Variants in GLRA3 observed in about 807,000 individuals in gnomAD.
The protein encoded by GLRA3 is glycine receptor alpha 3.
In GLRA3, 44 loss-of-function variants were observed where a neutral mutation model predicts 60.4. The observed-to-expected ratio is 0.73, with a 90% CI of 0.57 to 0.94. GLRA3 has a LOEUF of 0.94. GLRA3 is among the 40% of genes least tolerant of loss of function. The pLI is 0.00. For missense variants in GLRA3, 508 were observed against 564.6 expected (o/e 0.90, Z 1.02); for synonymous variants, 223 against 192.9 (o/e 1.16, Z -1.29).
intron 1 of GLRA3, among the ~76,000 whole-genome samples, chr4:174,812,282 C>G (rs946720765): frequency 6.6e-6 from 1 of 152,062 alleles, no homozygotes; most frequent in Non-Finnish European, 1.5e-5. Context: ...AGTCTCCAGA[C>G]TTAAAAACAG....
chr4:174,712,106 A>T (rs962768302), intron 5 of GLRA3, among the ~76,000 whole-genome samples: 7 of 151,902 alleles, frequency 4.6e-5, no homozygotes, highest in Admixed American at 1.3e-4. Flanking sequence ...TTCCCCAATA[A>T]TTTCTTTTCC....
At chr4:174,672,175 G>A (rs568400154) in intron 7 of GLRA3, among the ~76,000 whole-genome samples, 13 of 152,186 alleles carry the variant, frequency 8.5e-5, no homozygotes, top group African/African-American at 3.1e-4. Context: ...TTTAGTAGCT[G>A]TTTTCAATGA....
At chr4:174,772,470 T>C (rs757527128) in intron 2 of GLRA3, among the ~76,000 whole-genome samples, 1 of 152,000 alleles carries the variant, frequency 6.6e-6, no homozygotes, top group Non-Finnish European at 1.5e-5. Context: ...TATTTACTTG[T>C]GTATATATTT....
chr4:174,651,350 T>C (rs192073935), intron 9 of GLRA3, among the ~76,000 whole-genome samples: 37 of 152,308 alleles, frequency 2.4e-4, no homozygotes, highest in African/African-American at 8.4e-4. Context: ...CTTAACTTTA[T>C]GATTATTGGT....
intron 5 of GLRA3, among the ~76,000 whole-genome samples, chr4:174,692,936 T>TA (rs1205090433): frequency 2.3e-4 from 30 of 131,714 alleles, no homozygotes; most frequent in East Asian, 7.2e-4. Flanking sequence ...AAATGATCAA[T>TA]AAAAAAAAAA....
Position 174,643,836 on chromosome 4 carries a change from C to A in GLRA3, c.1345G>T (p.Val449Phe), listed in dbSNP as rs144082170. The part of the protein sequence containing the change: ...AFLIFNIFYW[V>F]IYKILRHEDI... ...TCATGCCTAAGAATTTTATAGATAA[C>A]CCAGTAGAAAATATTAAAAATCAAA... is the stretch of plus-strand genomic sequence containing the variant. The change falls in exon 10 of 10, where the codon GTT becomes TTT. Residue 449 changes from valine to phenylalanine, a missense_variant. Around this residue, in one of 3 missense-constraint regions of GLRA3, gnomAD observed 176 missense variants for 197.9 expected, o/e 0.89. Transcript: ENST00000274093. The A allele has an allele frequency of 5.0e-6, 8 of 1,613,480 alleles. No individual in the cohort carries two copies. Among genetic ancestry groups the A allele is most frequent in the South Asian group, 3.3e-5 (3 of 91,062 alleles).
chr4:174,725,085 G>GT (rs1369065312), intron 4 of GLRA3, among the ~76,000 whole-genome samples: 2 of 151,976 alleles, frequency 1.3e-5, no homozygotes, highest in African/African-American at 2.4e-5. Flanking sequence ...GTTTTCTCTA[G>GT]TTTTTTTTAG....
chr4:174,771,113 A>G (rs567478598), intron 2 of GLRA3, among the ~76,000 whole-genome samples: 2 of 151,422 alleles, frequency 1.3e-5, no homozygotes, highest in African/African-American at 4.8e-5. Flanking sequence ...GGATAGCATT[A>G]GGAGATATAC....
intron 1 of GLRA3, among the ~76,000 whole-genome samples, chr4:174,816,518 T>A (rs1270576893): frequency 6.6e-6 from 1 of 152,232 alleles, no homozygotes; most frequent in African/African-American, 2.4e-5. Flanking sequence ...CCTTTTCTTG[T>A]ATATTCTATT....
chr4:174,665,009 A>T (rs1733602247), intron 7 of GLRA3, among the ~76,000 whole-genome samples: 1 of 152,178 alleles, frequency 6.6e-6, no homozygotes, highest in African/African-American at 2.4e-5. Context: ...ATAATTTAAA[A>T]GAAGTGTTGT....
intron 1 of GLRA3, among the ~76,000 whole-genome samples, chr4:174,804,573 G>A (rs17365700): frequency 0.086 from 13,066 of 152,074 alleles, 631 homozygotes; most frequent in South Asian, 0.11. Flanking sequence ...TGAAGGAGAA[G>A]AATGTCCTCA....
intron 2 of GLRA3, among the ~76,000 whole-genome samples, chr4:174,770,363 G>A (rs760090979): frequency 4.6e-5 from 7 of 151,930 alleles, no homozygotes; most frequent in Non-Finnish European, 1.0e-4. Context: ...AGAATGCTTG[G>A]AAACCACTAT....
chr4:174,667,098 G>A (rs185334876), intron 7 of GLRA3, among the ~76,000 whole-genome samples: 1 of 152,156 alleles, frequency 6.6e-6, no homozygotes, highest in African/African-American at 2.4e-5. Flanking sequence ...CAGCAGCAGA[G>A]GAAAACCAAG....
chr4:174,693,673 T>C (rs1217181152), intron 5 of GLRA3, among the ~76,000 whole-genome samples: 2 of 152,198 alleles, frequency 1.3e-5, no homozygotes, highest in Non-Finnish European at 2.9e-5. Flanking sequence ...ATAGTTTTTT[T>C]CTAGTTCTGT....
At chr4:174,688,567 G>A (rs1425369445) in intron 5 of GLRA3, among the ~76,000 whole-genome samples, 1 of 134,574 alleles carries the variant, frequency 7.4e-6, no homozygotes, top group African/African-American at 2.7e-5. Flanking sequence ...AAGGGATAAA[G>A]GGGAAGGAGG....
chr4:174,826,004 A>C (rs1216230068), intron 1 of GLRA3, among the ~76,000 whole-genome samples: 1 of 152,180 alleles, frequency 6.6e-6, no homozygotes, highest in Non-Finnish European at 1.5e-5. Flanking sequence ...ACATAGGAAT[A>C]CTGGCAGTAT....
At chr4:174,687,944 T>C (rs1734612456) in intron 5 of GLRA3, among the ~76,000 whole-genome samples, 2 of 152,162 alleles carry the variant, frequency 1.3e-5, no homozygotes, top group Non-Finnish European at 2.9e-5. Context: ...CAATTCCACA[T>C]TGCAATTAAT....
chr4:174,756,378 C>G (rs2111208917), intron 3 of GLRA3, among the ~76,000 whole-genome samples: 1 of 151,828 alleles, frequency 6.6e-6, no homozygotes, highest in East Asian at 1.9e-4. Flanking sequence ...TTAAATCTAG[C>G]AATATATAAA....
At chr4:174,798,794 A>C (rs368328455) in intron 1 of GLRA3, among the ~76,000 whole-genome samples, 5 of 152,062 alleles carry the variant, frequency 3.3e-5, no homozygotes, top group Non-Finnish European at 7.4e-5. Flanking sequence ...TGTGGTGGTG[A>C]GCGCCTGTAG....
Sources: allele counts gnomAD v4.1 joint callset (sites outside exome capture counted in the v4.1 genomes callset), GRCh38; gene constraint gnomAD v4.1.1; regional missense constraint gnomAD v4.1.1; transcripts MANE v1.5; gene names NCBI Gene and HGNC (gene_info 2026-07-23, HGNC 2026-07-21).